The following PRELID2 variants were observed in gnomAD, a reference collection of about 807,000 sequenced individuals.
PRELID2 encodes PRELI domain-containing protein 2.
A neutral mutation model predicts 28.4 loss-of-function variants in PRELID2; 25 were observed. The ratio of observed to expected loss-of-function variants is 0.88; its 90% CI spans 0.64 to 1.23. The LOEUF is 1.23. Ranked by LOEUF, PRELID2 falls within the 50% of genes most tolerant of loss-of-function variation. The probability of loss-of-function intolerance (pLI) is 0.00; values close to 1 mark genes in which losing one functional copy is unlikely to be tolerated. For missense variants in PRELID2, 201 were observed against 214.4 expected, an observed-to-expected ratio of 0.94 and a Z score of 0.39; for synonymous variants, 76 against 71.6, an observed-to-expected ratio of 1.06 and a Z score of -0.31.
At chr5:145,393,028 CA>C in the PRELID2 span, among the ~76,000 whole-genome samples, 1 of 152,196 alleles carries the variant, frequency 6.6e-6, no homozygotes, top group African/African-American at 2.4e-5. Flanking sequence ...CCTGGCGAAG[CA>C]CCAAACCCAA....
At chr5:145,334,627 A>G in the PRELID2 span, among the ~76,000 whole-genome samples, 2 of 152,180 alleles carry the variant, frequency 1.3e-5, no homozygotes, top group Admixed American at 6.5e-5. Flanking sequence ...ATCTTTTATT[A>G]TACCTTGAAG....
intron 1 of PRELID2, among the ~76,000 whole-genome samples, chr5:145,652,745 A>T (rs565128779): frequency 1.2e-4 from 18 of 152,310 alleles, no homozygotes; most frequent in African/African-American, 4.3e-4. Flanking sequence ...GAGCTCCTGG[A>T]GGAAGCACTA....
At position 145,758,225 on chromosome 5, in the gene PRELID2, C is replaced by G; in HGVS notation, c.*2311G>C. Among the ~76,000 whole-genome samples the G allele has an allele frequency of 6.6e-6, 1 of 151,830 alleles. No homozygotes were observed. The highest frequency in any genetic ancestry group is 1.5e-5 in the Non-Finnish European group (1 of 67,996). On this transcript the variant is annotated 3_prime_UTR_variant, in exon 7 of 7. Transcript: ENST00000683046. ...TGGAAATAGGAAATACTAAAAAAGA[C>G]CAACGACACAACCGCACTGTGCTGG...
At chr5:145,431,880 T>A in the PRELID2 span, among the ~76,000 whole-genome samples, 1 of 152,142 alleles carries the variant, frequency 6.6e-6, no homozygotes. Context: ...AAGACAGATA[T>A]ACAGGGATGT....
the PRELID2 span, among the ~76,000 whole-genome samples, chr5:145,243,786 A>G: frequency 6.6e-6 from 1 of 152,134 alleles, no homozygotes; most frequent in Non-Finnish European, 1.5e-5. Context: ...AACCATCATT[A>G]CTATTATTAT....
At chr5:145,813,674 G>T (rs938582715) in intron 4 of PRELID2, among the ~76,000 whole-genome samples, 3 of 152,102 alleles carry the variant, frequency 2.0e-5, no homozygotes, top group African/African-American at 7.2e-5. Context: ...ACACATGAAG[G>T]ATATAGCTTT....
At chr5:145,300,644 T>A in the PRELID2 span, among the ~76,000 whole-genome samples, 2 of 151,152 alleles carry the variant, frequency 1.3e-5, no homozygotes, top group Admixed American at 6.6e-5. Context: ...AGAATAAGAC[T>A]ACCAAGATTA....
chr5:145,534,194 C>T (rs1752680771), intron 1 of PRELID2, among the ~76,000 whole-genome samples: 1 of 151,976 alleles, frequency 6.6e-6, no homozygotes, highest in African/African-American at 2.4e-5. Context: ...GGTGATAAGA[C>T]TTCACTAAAC....
the PRELID2 span, among the ~76,000 whole-genome samples, chr5:145,244,494 G>A: frequency 6.6e-6 from 1 of 152,010 alleles, no homozygotes; most frequent in Non-Finnish European, 1.5e-5. Context: ...CACAGCCTTG[G>A]GGGAATGAAC....
At chr5:145,735,792 G>C (rs1756479281) in intron 1 of PRELID2, among the ~76,000 whole-genome samples, 1 of 152,098 alleles carries the variant, frequency 6.6e-6, no homozygotes, top group Non-Finnish European at 1.5e-5. Flanking sequence ...ATGAGATAAG[G>C]CATGTGGAAG....
chr5:145,307,945 GACAT>G, the PRELID2 span, among the ~76,000 whole-genome samples: 3 of 152,138 alleles, frequency 2.0e-5, no homozygotes, highest in African/African-American at 7.2e-5. Flanking sequence ...CTGTCTGTTT[GACAT>G]ACAGTTTCCC....
chr5:145,697,066 TATATATATATATATAC>T (rs1393018181), intron 1 of PRELID2, among the ~76,000 whole-genome samples: 4 of 121,574 alleles, frequency 3.3e-5, no homozygotes, highest in South Asian at 2.3e-4. Flanking sequence ...TATATATATA[TATATATATATATATAC>T]ACACACACAC....
the PRELID2 span, among the ~76,000 whole-genome samples, chr5:145,377,655 A>C: frequency 6.6e-6 from 1 of 152,060 alleles, no homozygotes. Context: ...TGTTCACTTA[A>C]AGACTGTTTT....
At chr5:145,570,920 A>G (rs913675339) in intron 1 of PRELID2, among the ~76,000 whole-genome samples, 9 of 152,228 alleles carry the variant, frequency 5.9e-5, no homozygotes, top group African/African-American at 1.9e-4. Flanking sequence ...CTGGTCCATT[A>G]CCACTCTTCC....
intron 1 of PRELID2, among the ~76,000 whole-genome samples, chr5:145,688,244 T>A (rs1755075352): frequency 6.6e-6 from 1 of 152,188 alleles, no homozygotes; most frequent in Admixed American, 6.5e-5. Flanking sequence ...AGGCATCTTG[T>A]TTGTTGCCCT....
At chr5:145,375,620 C>G in the PRELID2 span, among the ~76,000 whole-genome samples, 2 of 152,152 alleles carry the variant, frequency 1.3e-5, no homozygotes, top group Non-Finnish European at 2.9e-5. Context: ...CAGCCCTCTC[C>G]CTAGGGGCTC....
intron 1 of PRELID2, among the ~76,000 whole-genome samples, chr5:145,478,441 G>A (rs2400193): frequency 4.6e-5 from 7 of 151,878 alleles, no homozygotes; most frequent in African/African-American, 1.5e-4. Flanking sequence ...CAGCTACTGG[G>A]GGATCCTCCT....
At chr5:145,451,033 T>C in the PRELID2 span, 2 of 152,156 alleles carry the variant, frequency 1.3e-5, no homozygotes, top group African/African-American at 2.4e-5. Context: ...GAGCTGGGAA[T>C]GACCATTTTC....
intron 1 of PRELID2, among the ~76,000 whole-genome samples, chr5:145,518,873 C>T (rs1274033751): frequency 6.6e-6 from 1 of 152,166 alleles, no homozygotes; most frequent in Non-Finnish European, 1.5e-5. Flanking sequence ...AAGGTTTATC[C>T]AGTCCAAATT....
Sources: gnomAD v4.1 joint callset for allele counts (sites outside exome capture counted in the v4.1 genomes callset) on GRCh38, gnomAD v4.1.1 for gene constraint, MANE v1.5 for transcripts, NCBI Gene and HGNC (gene_info 2026-07-23, HGNC 2026-07-21) for gene names.